The following PCDHA5 variants were observed in gnomAD, a reference collection of about 807,000 sequenced individuals.
PCDHA5 encodes protocadherin alpha-5.
In PCDHA5, 43 loss-of-function variants were observed where a neutral mutation model predicts 61.6. That is an observed-to-expected ratio of 0.70 (90% CI 0.55 to 0.90). The LOEUF (loss-of-function observed/expected upper bound fraction) is 0.90. Among genes scored for constraint, PCDHA5 ranks in the 40% least tolerant of loss-of-function variants. The pLI is 0.00. For missense variants in PCDHA5, 1,298 were observed against 1,222.7 expected, an observed-to-expected ratio of 1.06 and a Z score of -0.92; for synonymous variants, 627 against 543.9, an observed-to-expected ratio of 1.15 and a Z score of -2.13.
intron 1 of PCDHA5, among the ~76,000 whole-genome samples, chr5:140,844,419 T>C (rs1779369734): frequency 6.7e-6 from 1 of 149,576 alleles, no homozygotes; most frequent in South Asian, 2.1e-4. Flanking sequence ...AGACATGTTT[T>C]TTATTCTACA....
chr5:140,989,242 C>T (rs562894633), intron 3 of PCDHA5, among the ~76,000 whole-genome samples: 5 of 152,226 alleles, frequency 3.3e-5, no homozygotes, highest in African/African-American at 1.2e-4. Flanking sequence ...GTTTTAAGCC[C>T]CTTGTCAAAA....
At chr5:140,902,560 G>T (rs558432897) in intron 1 of PCDHA5, among the ~76,000 whole-genome samples, 9 of 152,072 alleles carry the variant, frequency 5.9e-5, no homozygotes, top group Non-Finnish European at 1.2e-4. Flanking sequence ...CCAGATTTTT[G>T]AGGGTTTTTA....
chr5:140,948,547 A>G (rs1054072354), intron 1 of PCDHA5, among the ~76,000 whole-genome samples: 9 of 151,490 alleles, frequency 5.9e-5, no homozygotes, highest in Admixed American at 5.9e-4. Flanking sequence ...ATGCTCTGTC[A>G]ATTTTGTTAA....
intron 3 of PCDHA5, among the ~76,000 whole-genome samples, chr5:140,988,428 G>A (rs1186229744): frequency 6.6e-6 from 1 of 152,160 alleles, no homozygotes; most frequent in Non-Finnish European, 1.5e-5. Context: ...GAATTTGTTT[G>A]TTTTGGATTG....
chr5:140,830,375 G>A, intron 1 of PCDHA5: 1 of 1,614,172 alleles, frequency 6.2e-7, no homozygotes, highest in Non-Finnish European at 8.5e-7. Flanking sequence ...GTGCTCCGGG[G>A]AGGGCCCACC....
At chr5:140,928,817 G>A (rs868908592) in intron 1 of PCDHA5, 1 of 1,614,118 alleles carries the variant, frequency 6.2e-7, no homozygotes, top group Non-Finnish European at 8.5e-7. Flanking sequence ...CGGGACCATG[G>A]AGACCCACCA....
chr5:140,999,338 G>T (rs1451765927), intron 3 of PCDHA5, among the ~76,000 whole-genome samples: 2 of 152,126 alleles, frequency 1.3e-5, no homozygotes, highest in African/African-American at 2.4e-5. Context: ...TGATTTATAA[G>T]CCTTGTCTCT....
In PCDHA5 at chr5:140,853,541, G is replaced by C. The variant is rs1554146703; in HGVS notation, c.2352+29414G>C. On this transcript the variant is annotated intron_variant, in intron 1 of 3. Coordinates refer to ENST00000529859, the MANE Select transcript of PCDHA5 (RefSeq NM_018908.3). Reference sequence around the variant, plus strand: ...CTCCTCCTATGTCTCTTTTCAAGTTGTAATTACTATATAGGAAAAACTAAG... The same window carrying C: ...CTCCTCCTATGTCTCTTTTCAAGTTCTAATTACTATATAGGAAAAACTAAG... 3 of 979,204 alleles carry C rather than the reference G, an allele frequency of 3.1e-6. 1 individual carries two copies. The highest frequency in any genetic ancestry group is 3.7e-6 in the Non-Finnish European group (3 of 812,050). 60.7% of individuals were successfully genotyped at this position (979,204 alleles called of 1,614,324 possible). A position where few individuals can be genotyped will look rare whatever the true frequency, so the allele number is the denominator to read the frequency against.
rs553967078 is a variant in PCDHA5, at chr5:140,856,258, C to T, written c.2352+32131C>T. 103 of 1,598,068 alleles carry T rather than the reference C, an allele frequency of 6.4e-5. 11 individuals carry two copies. The highest frequency in any genetic ancestry group is 2.7e-4 in the Admixed American group (16 of 59,260). On this transcript the variant is annotated intron_variant, in intron 1 of 3. Transcript: ENST00000529859. Reference sequence around the variant, plus strand: ...TGTTCCGGGTGGCGTCCAAAAGACACGGGGACCTTCTGGAGGTAAATCTGC... The same window carrying T: ...TGTTCCGGGTGGCGTCCAAAAGACATGGGGACCTTCTGGAGGTAAATCTGC...
At chr5:140,867,118 T>G (rs2049765139) in intron 1 of PCDHA5, 1 of 152,172 alleles carries the variant, frequency 6.6e-6, no homozygotes, top group Non-Finnish European at 1.5e-5. Context: ...CATATTGTTT[T>G]AATTCAAATA....
intron 1 of PCDHA5, among the ~76,000 whole-genome samples, chr5:140,902,264 C>G (rs1187258512): frequency 6.8e-6 from 1 of 147,240 alleles, no homozygotes; most frequent in Admixed American, 6.9e-5. Context: ...TCTCGAACTC[C>G]TGGGCTCAAG....
At chr5:140,968,813 A>G (rs1554231120) in intron 1 of PCDHA5, 1 of 1,614,194 alleles carries the variant, frequency 6.2e-7, no homozygotes, top group South Asian at 1.1e-5. Context: ...TGTGGTGGAT[A>G]GGGTTTCCAA....
intron 1 of PCDHA5, among the ~76,000 whole-genome samples, chr5:140,891,347 A>G (rs1554184792): frequency 6.6e-6 from 1 of 151,926 alleles, no homozygotes; most frequent in African/African-American, 2.4e-5. Context: ...ATTTTGGTGC[A>G]TCCATCACCT....
In PCDHA5 at chr5:141,003,240, CAA is replaced by C. The variant is rs1287973511; in HGVS notation, c.2501-6383_2501-6382del. ...GAAAGAGGAAAGCTGGAAATTTTGC[CAA>C]AAAGATTCCTGGGCAGTGCCTAAGG... On this transcript the variant is annotated intron_variant, in intron 3 of 3. Transcript: ENST00000529859. Among the ~76,000 whole-genome samples the C allele has an allele frequency of 2.6e-5, 4 of 152,150 alleles. No individual in the cohort carries two copies. In the East Asian group the frequency reaches 7.7e-4, roughly 29 times the overall value.
Position 140,824,026 on chromosome 5 carries a change from C to T in PCDHA5, c.2251C>T (p.Gln751Ter). 1 of 1,614,146 alleles carries T rather than the reference C, an allele frequency of 6.2e-7. No homozygotes were observed. The highest frequency in any genetic ancestry group is 8.5e-7 in the Non-Finnish European group (1 of 1,180,020). ...SSAVGSWSYS[Q>*]QRRQRVCSGE... is the part of the protein sequence containing the mutation. ...CGCGGTGGGGAGCTGGTCGTACTCG[C>T]AGCAGAGGAGACAGAGGGTGTGCTC... is the stretch of plus-strand genomic sequence containing the variant. Residue 751 changes from glutamine to a stop codon, truncating the protein, a stop_gained, in exon 1 of 4, where the codon CAG becomes TAG. Transcript: ENST00000529859. LOFTEE classifies it high-confidence loss of function.
chr5:140,827,764 A>G (rs1376837793), intron 1 of PCDHA5, among the ~76,000 whole-genome samples: 1 of 152,256 alleles, frequency 6.6e-6, no homozygotes, highest in Non-Finnish European at 1.5e-5. Context: ...TTAAATTAAT[A>G]AAAGAAGTCG....
chr5:141,009,580 G>A (rs1554262213), intron 3 of PCDHA5, 47 bp from the exon 4 acceptor site: 1 of 1,588,170 alleles, frequency 6.3e-7, no homozygotes, highest in South Asian at 1.2e-5. Flanking sequence ...GTGGCATCAA[G>A]AGCATGTGTT....
At chr5:140,897,100 A>G (rs10054072) in intron 1 of PCDHA5, among the ~76,000 whole-genome samples, 2,117 of 151,950 alleles carry the variant, frequency 0.014, 42 homozygotes, top group African/African-American at 0.049. Context: ...CTCATTAAAA[A>G]TCTCCACTTT....
At chr5:140,833,459 T>TAA (rs1554133849) in intron 1 of PCDHA5, among the ~76,000 whole-genome samples, 3 of 152,166 alleles carry the variant, frequency 2.0e-5, no homozygotes, top group Non-Finnish European at 4.4e-5. Flanking sequence ...TAAAATAAAC[T>TAA]TACATTTTAA....
Sources: allele counts gnomAD v4.1 joint callset (sites outside exome capture counted in the v4.1 genomes callset), GRCh38; gene constraint gnomAD v4.1.1; transcripts MANE v1.5; gene names NCBI Gene and HGNC (gene_info 2026-07-23, HGNC 2026-07-21).